IL1RAPL2: variants seen among roughly 807,000 people sequenced by gnomAD.
IL1RAPL2 encodes interleukin 1 receptor accessory protein like 2, also known as X-linked interleukin-1 receptor accessory protein-like 2.
In IL1RAPL2, 3 loss-of-function variants were observed where a neutral mutation model predicts 44.1. That is an observed-to-expected ratio of 0.07 (90% CI 0.03 to 0.18). The LOEUF (loss-of-function observed/expected upper bound fraction) is 0.18. IL1RAPL2 is among the 10% of genes least tolerant of loss of function. IL1RAPL2 has a pLI of 1.00. For synonymous variants in IL1RAPL2, 181 were observed against 178.8 expected, an observed-to-expected ratio of 1.01 and a Z score of -0.10; for missense variants, 391 against 496.4, an observed-to-expected ratio of 0.79 and a Z score of 2.02.
intron 2 of IL1RAPL2, among the ~76,000 whole-genome samples, chrX:105,169,631 C>T (rs1327454488): frequency 1.9e-5 from 2 of 104,767 alleles, no homozygotes; most frequent in African/African-American, 3.5e-5. Context: ...CAGGTTCAAG[C>T]GATTCTCATG....
In IL1RAPL2 at chrX:105,295,986, G is replaced by A. The variant is rs183044629; in HGVS notation, c.697+28445G>A. Among the ~76,000 whole-genome samples, 41 of 111,258 alleles carry A rather than the reference G, an allele frequency of 3.7e-4. No homozygotes were observed. In the East Asian group the frequency reaches 7.1e-3, roughly 19 times the overall value. On this transcript the variant is annotated intron_variant, in intron 5 of 10. Coordinates refer to ENST00000372582, the MANE Select transcript of IL1RAPL2 (RefSeq NM_017416.2). ...CATCTTATACCCAGCTGCCAGATCA[G>A]TCTTTCTAAGAGTATTTCTCACATC...
chrX:105,407,178 G>T (rs1413383489), intron 5 of IL1RAPL2: 2 of 468,940 alleles, frequency 4.3e-6, no homozygotes, highest in Non-Finnish European at 7.6e-6. Flanking sequence ...ACATTTAGAG[G>T]ATTATGCTTG....
At chrX:105,173,348 A>G (rs1272474484) in intron 2 of IL1RAPL2, among the ~76,000 whole-genome samples, 1 of 111,985 alleles carries the variant, frequency 8.9e-6, no homozygotes, top group African/African-American at 3.2e-5. Flanking sequence ...GCCAGGAGCA[A>G]TGCGGAAGCC....
chrX:105,016,037 T>TC (rs1174510901), intron 2 of IL1RAPL2, among the ~76,000 whole-genome samples: 2 of 111,607 alleles, frequency 1.8e-5, no homozygotes, highest in East Asian at 5.7e-4. Flanking sequence ...ACATCCCTTG[T>TC]AAGTTGGATT....
chrX:104,875,498 G>T, intron 2 of IL1RAPL2, among the ~76,000 whole-genome samples: 1 of 111,709 alleles, frequency 9.0e-6, no homozygotes, highest in African/African-American at 3.3e-5. Context: ...GGAGTGCTCA[G>T]TTGTGTATGT....
chrX:105,741,134 TATC>T (rs2038496709), intron 8 of IL1RAPL2, among the ~76,000 whole-genome samples: 1 of 112,014 alleles, frequency 8.9e-6, no homozygotes, highest in African/African-American at 3.2e-5. Flanking sequence ...TTACAATTGT[TATC>T]ATAAAAATTA....
At chrX:104,907,074 T>G (rs1318076982) in intron 2 of IL1RAPL2, among the ~76,000 whole-genome samples, 4 of 111,158 alleles carry the variant, frequency 3.6e-5, no homozygotes, top group Non-Finnish European at 7.6e-5. Context: ...TTCTAGATTT[T>G]CTAGTTTATT....
At chrX:105,719,689 C>CTT (rs2038286081) in intron 7 of IL1RAPL2, among the ~76,000 whole-genome samples, 1 of 108,403 alleles carries the variant, frequency 9.2e-6, no homozygotes, top group South Asian at 4.0e-4. Context: ...GAATTGTATA[C>CTT]TTTTAATGGA....
At chrX:104,604,399 T>C (rs1295068747) in intron 1 of IL1RAPL2, among the ~76,000 whole-genome samples, 2 of 110,653 alleles carry the variant, frequency 1.8e-5, no homozygotes. Flanking sequence ...CTGCATCAAC[T>C]AATGGTCAAA....
chrX:105,540,321 T>C (rs2036710855), intron 6 of IL1RAPL2, among the ~76,000 whole-genome samples: 1 of 111,625 alleles, frequency 9.0e-6, no homozygotes, highest in Admixed American at 9.5e-5. Context: ...ATAAATAAAA[T>C]GTGGCATATA....
chrX:104,710,857 C>T (rs1931444270), intron 2 of IL1RAPL2, among the ~76,000 whole-genome samples: 1 of 111,176 alleles, frequency 9.0e-6, no homozygotes, highest in Admixed American at 9.6e-5. Context: ...AAGTATAGCA[C>T]ATACAATTAT....
intron 2 of IL1RAPL2, among the ~76,000 whole-genome samples, chrX:105,157,286 GCTCT>G (rs755583508): frequency 5.6e-5 from 6 of 107,461 alleles, no homozygotes; most frequent in South Asian, 4.1e-4. Context: ...TAACTACAAA[GCTCT>G]CTCTCTCTCT....
chrX:104,602,552 C>T (rs1019164722), intron 1 of IL1RAPL2, among the ~76,000 whole-genome samples: 4 of 111,669 alleles, frequency 3.6e-5, no homozygotes, highest in Non-Finnish European at 5.7e-5. Context: ...CCCACCCTCA[C>T]GGAGCCCAGC....
At chrX:105,524,680 G>A (rs2036583803) in intron 6 of IL1RAPL2, among the ~76,000 whole-genome samples, 1 of 110,004 alleles carries the variant, frequency 9.1e-6, no homozygotes, top group African/African-American at 3.3e-5. Context: ...ATTTTCTTCT[G>A]GTCTCATTAT....
At chrX:105,405,857 C>T in intron 5 of IL1RAPL2, 1 of 1,169,178 alleles carries the variant, frequency 8.6e-7, no homozygotes, top group Non-Finnish European at 1.2e-6. Context: ...GTAAACTCGG[C>T]ATAAAAGCCA....
intron 2 of IL1RAPL2, among the ~76,000 whole-genome samples, chrX:104,905,143 T>A (rs2147676888): frequency 8.9e-6 from 1 of 111,907 alleles, no homozygotes; most frequent in African/African-American, 3.2e-5. Context: ...CACTTTTTGA[T>A]GGGGTTGTTT....
At chrX:105,114,150 A>G (rs918561643) in intron 2 of IL1RAPL2, among the ~76,000 whole-genome samples, 1 of 111,565 alleles carries the variant, frequency 9.0e-6, no homozygotes, top group Non-Finnish European at 1.9e-5. Flanking sequence ...AGCCCTCATG[A>G]ATAGGATTGG....
intron 2 of IL1RAPL2, among the ~76,000 whole-genome samples, chrX:104,769,912 A>T (rs189101878): frequency 8.9e-6 from 1 of 112,347 alleles, no homozygotes; most frequent in African/African-American, 3.2e-5. Flanking sequence ...TGGTGAAGCC[A>T]ATCATGTTTT....
chrX:104,857,478 C>A (rs1025989190), intron 2 of IL1RAPL2, among the ~76,000 whole-genome samples: 4 of 111,785 alleles, frequency 3.6e-5, no homozygotes, highest in Non-Finnish European at 7.5e-5. Flanking sequence ...CAAAAATTGA[C>A]CCTCTAAAAA....
Sources: allele counts gnomAD v4.1 joint callset (sites outside exome capture counted in the v4.1 genomes callset), GRCh38; gene constraint gnomAD v4.1.1; transcripts MANE v1.5; gene names NCBI Gene and HGNC (gene_info 2026-07-23, HGNC 2026-07-21).